The following NAV2 variants were observed in gnomAD, a reference collection of about 807,000 sequenced individuals.
NAV2 encodes helicase, APC down-regulated 1.
A neutral mutation model predicts 223.2 loss-of-function variants in NAV2; 54 were observed. The observed-to-expected ratio is 0.24, with a 90% confidence interval of 0.19 to 0.30. NAV2 has a LOEUF of 0.30. NAV2 is among the 10% of genes least tolerant of loss of function. The pLI is 1.00. For missense variants in NAV2, 2,806 were observed against 3,147.5 expected (o/e 0.89, Z 2.60); for synonymous variants, 1,279 against 1,239.3 (o/e 1.03, Z -0.67).
At chr11:19,878,656 G>C (rs2585756) in intron 4 of NAV2, among the ~76,000 whole-genome samples, 27,911 of 152,160 alleles carry the variant, frequency 0.18, 3,230 homozygotes, top group South Asian at 0.41. Flanking sequence ...CCTGGAGAAA[G>C]GGATGCTCCA....
At chr11:20,010,688 C>T (rs1040179264) in intron 11 of NAV2, among the ~76,000 whole-genome samples, 2 of 152,150 alleles carry the variant, frequency 1.3e-5, no homozygotes. Flanking sequence ...GTTCTACCAC[C>T]GGGTGATCTG....
intron 1 of NAV2, among the ~76,000 whole-genome samples, chr11:19,779,388 G>A (rs1474865719): frequency 6.6e-6 from 1 of 152,308 alleles, no homozygotes; most frequent in South Asian, 2.1e-4. Context: ...ATGAGCCTCA[G>A]CTTTTCTGTG....
At chr11:19,400,740 A>G (rs760461239) in intron 1 of NAV2, among the ~76,000 whole-genome samples, 4 of 152,218 alleles carry the variant, frequency 2.6e-5, no homozygotes, top group Non-Finnish European at 2.9e-5. Context: ...GCCATGTAGG[A>G]TGCTCATTAT....
chr11:20,083,202 A>T (rs762400775), intron 26 of NAV2, 23 bp downstream of exon 26: 13 of 1,598,680 alleles, frequency 8.1e-6, no homozygotes, highest in Admixed American at 1.7e-5. Context: ...GTCTAGTCAG[A>T]TAACATCTTT....
chr11:19,449,329 G>A (rs1212928981), intron 1 of NAV2, among the ~76,000 whole-genome samples: 1 of 151,866 alleles, frequency 6.6e-6, no homozygotes, highest in Non-Finnish European at 1.5e-5. Context: ...CCCGGAAGGC[G>A]GAGTTTGCAG....
At chr11:19,985,371 A>G (rs1026265269) in intron 11 of NAV2, among the ~76,000 whole-genome samples, 2 of 152,100 alleles carry the variant, frequency 1.3e-5, no homozygotes, top group Non-Finnish European at 2.9e-5. Context: ...AGTCTCTACC[A>G]CTAACTTGAA....
intron 7 of NAV2, among the ~76,000 whole-genome samples, chr11:19,937,491 AT>A (rs1219472958): frequency 6.6e-6 from 1 of 152,154 alleles, no homozygotes; most frequent in Non-Finnish European, 1.5e-5. Context: ...CTATCACTTT[AT>A]CACTTTATAG....
chr11:19,533,998 G>T (rs929087721), intron 1 of NAV2, among the ~76,000 whole-genome samples: 1 of 132,256 alleles, frequency 7.6e-6, no homozygotes, highest in African/African-American at 4.4e-5. Flanking sequence ...GAGCCACCGC[G>T]CCCGGCCTCT....
chr11:19,660,082 G>A (rs1450969964), intron 1 of NAV2, among the ~76,000 whole-genome samples: 5 of 152,128 alleles, frequency 3.3e-5, no homozygotes, highest in Non-Finnish European at 7.4e-5. Flanking sequence ...CTGGAGAGGA[G>A]TACCCCAGGC....
intron 1 of NAV2, among the ~76,000 whole-genome samples, chr11:19,749,275 G>A (rs988326435): frequency 2.0e-5 from 3 of 152,176 alleles, no homozygotes; most frequent in African/African-American, 7.2e-5. Context: ...CTGAAACCAA[G>A]CAAGGTGTGA....
intron 1 of NAV2, among the ~76,000 whole-genome samples, chr11:19,726,497 C>T (rs2051269686): frequency 6.6e-6 from 1 of 152,230 alleles, no homozygotes; most frequent in Non-Finnish European, 1.5e-5. Context: ...CAACAGCACT[C>T]ACTCCCTCAG....
chr11:19,871,015 T>C (rs939905613), intron 4 of NAV2, among the ~76,000 whole-genome samples: 2 of 152,154 alleles, frequency 1.3e-5, no homozygotes, highest in Middle Eastern at 3.2e-3. Context: ...CTGCCCCTTT[T>C]TGACATTGAG....
At chr11:19,667,961 C>T (rs1020508985) in intron 1 of NAV2, among the ~76,000 whole-genome samples, 6 of 152,146 alleles carry the variant, frequency 3.9e-5, no homozygotes, top group African/African-American at 1.4e-4. Context: ...CGTCCACTGC[C>T]CTTATACTTC....
chr11:19,410,208 A>T (rs1340167056), intron 1 of NAV2, among the ~76,000 whole-genome samples: 2 of 152,158 alleles, frequency 1.3e-5, no homozygotes, highest in African/African-American at 4.8e-5. Context: ...ACTGCGTTAT[A>T]AAGGTGGCAA....
At chr11:19,797,082 GA>G (rs2057954878) in intron 1 of NAV2, among the ~76,000 whole-genome samples, 1 of 152,186 alleles carries the variant, frequency 6.6e-6, no homozygotes, top group Non-Finnish European at 1.5e-5. Flanking sequence ...ACGGGTTTGA[GA>G]GCCAGAGAGA....
chr11:19,673,348 A>T (rs2048621469), intron 1 of NAV2, among the ~76,000 whole-genome samples: 1 of 152,218 alleles, frequency 6.6e-6, no homozygotes, highest in Admixed American at 6.5e-5. Context: ...TCTTCTACCA[A>T]TCTTAAGAAA....
chr11:19,847,016 G>T (rs960072556), intron 3 of NAV2, among the ~76,000 whole-genome samples: 1 of 152,158 alleles, frequency 6.6e-6, no homozygotes, highest in Non-Finnish European at 1.5e-5. Flanking sequence ...ATAAGTTTGC[G>T]TGTGTGCGTC....
chr11:20,034,362 GTTT>G (rs774988268), intron 11 of NAV2, among the ~76,000 whole-genome samples: 21 of 133,242 alleles, frequency 1.6e-4, no homozygotes, highest in African/African-American at 3.2e-4. Flanking sequence ...TTTTTTTTTT[GTTT>G]TTTTTTTTTT....
At position 19,869,010 on chromosome 11, in the gene NAV2, G is replaced by A. The variant is rs369159153; in HGVS notation, c.511+13G>A. On this transcript the variant is annotated intron_variant, in intron 4 of 37. Coordinates refer to ENST00000349880, the MANE Select transcript of NAV2 (RefSeq NM_145117.5). ...CTGTCTGCAGAAGGTGAGTCAGAGC[G>A]CTTGTCACGAAGCTGCCTCTTCATC... 23 of 1,612,964 alleles carry A rather than the reference G, an allele frequency of 1.4e-5. No homozygotes were observed. The highest frequency in any genetic ancestry group is 3.3e-5 in the South Asian group (3 of 91,018).
Sources: allele counts gnomAD v4.1 joint callset (sites outside exome capture counted in the v4.1 genomes callset), GRCh38; gene constraint gnomAD v4.1.1; transcripts MANE v1.5; gene names NCBI Gene and HGNC (gene_info 2026-07-23, HGNC 2026-07-21).